Variants in CEACAM8 observed in about 807,000 individuals in gnomAD.
CEACAM8 encodes cell adhesion molecule CEACAM8.
CEACAM8 carries 31 observed loss-of-function variants against 33.4 expected under a neutral mutation model. The ratio of observed to expected loss-of-function variants is 0.93; its 90% CI spans 0.70 to 1.25. CEACAM8 has a LOEUF of 1.25. CEACAM8 is among the 50% of genes most tolerant of loss of function. CEACAM8 has a pLI of 0.00. For missense variants in CEACAM8, 388 were observed against 434.6 expected, an observed-to-expected ratio of 0.89 and a Z score of 0.95; for synonymous variants, 138 against 164.5, an observed-to-expected ratio of 0.84 and a Z score of 1.23.
intron 4 of CEACAM8, among the ~76,000 whole-genome samples, chr19:42,584,771 C>G (rs908746096): frequency 6.6e-6 from 1 of 152,172 alleles, no homozygotes; most frequent in Non-Finnish European, 1.5e-5. Context: ...AATCAACAAC[C>G]TAATTTGCAA....
At chr19:42,582,098 C>A (rs1265982090) in intron 5 of CEACAM8, among the ~76,000 whole-genome samples, 1 of 150,982 alleles carries the variant, frequency 6.6e-6, no homozygotes, top group Non-Finnish European at 1.5e-5. Flanking sequence ...GCTAAAGAAC[C>A]ATTGTTTTAG....
Position 42,591,627 on chromosome 19 carries a change from C to T in CEACAM8, c.425-1892G>A, listed in dbSNP as rs45438699. Among the ~76,000 whole-genome samples, 645 of 152,226 alleles carry T rather than the reference C, an allele frequency of 4.2e-3. 2 individuals are homozygous for T. The highest frequency in any genetic ancestry group is 6.7e-3 in the Non-Finnish European group (453 of 68,002). On this transcript the variant is annotated intron_variant, in intron 2 of 5. Transcript: ENST00000244336. ...CAAGTAGAATTGGATTAGGTTTTTGCGAATTGGACAGAGTCTAAGTGAGAC... is the reference window on the plus strand; with the variant it reads ...CAAGTAGAATTGGATTAGGTTTTTGTGAATTGGACAGAGTCTAAGTGAGAC...
At chr19:42,593,462 C>T in intron 2 of CEACAM8, 79 bp downstream of exon 2, 1 of 1,508,620 alleles carries the variant, frequency 6.6e-7, no homozygotes, top group South Asian at 1.3e-5. Context: ...GGGACATGGG[C>T]ACAGCCCAGG....
chr19:42,589,428 T>C (rs768903837), intron 3 of CEACAM8, 29 bp downstream of exon 3: 1 of 1,613,596 alleles, frequency 6.2e-7, no homozygotes, highest in South Asian at 1.1e-5. Context: ...GCTGGTGGCC[T>C]GGGCCACAGA....
chr19:42,584,225 C>T (rs1052251480), intron 4 of CEACAM8, among the ~76,000 whole-genome samples: 3 of 152,050 alleles, frequency 2.0e-5, no homozygotes, highest in Non-Finnish European at 4.4e-5. Flanking sequence ...CACACACACA[C>T]ACAACCTTTT....
At chr19:42,591,460 T>C (rs1046618911) in intron 2 of CEACAM8, among the ~76,000 whole-genome samples, 3 of 152,148 alleles carry the variant, frequency 2.0e-5, no homozygotes, top group Non-Finnish European at 4.4e-5. Context: ...CAATGCCAAA[T>C]TAGGAGAAGC....
At position 42,593,768 on chromosome 19, in the gene CEACAM8, T is replaced by C; in HGVS notation, c.197A>G (p.Asn66Ser). ...HNLPQDPRGY[N>S]WYKGETVDAN... ...ATCCACTGTTTCCCCTTTGTACCAG[T>C]TGTAGCCACGAGGGTCCTGGGGCAG... is the stretch of plus-strand genomic sequence containing the variant. The change falls in exon 2 of 6, where the codon AAC becomes AGC. Residue 66 changes from asparagine (N) to serine (S), a missense_variant. Coordinates refer to ENST00000244336, the MANE Select transcript of CEACAM8 (RefSeq NM_001816.4). 1.2e-6 allele frequency: 2 copies of C among 1,614,042 alleles called. No homozygotes were observed. The highest frequency in any genetic ancestry group is 1.7e-6 in the Non-Finnish European group (2 of 1,180,000).
In CEACAM8 at chr19:42,594,829, G is replaced by T; in HGVS notation, c.-1C>A. ...AGGAAGGGGCTGAGATGGGCCCCAT[G>T]GTCTCTGCTGCCTGCGTGTTCTCCT... is the stretch of plus-strand genomic sequence containing the variant. On this transcript the variant is annotated 5_prime_UTR_variant, in exon 1 of 6. Coordinates refer to ENST00000244336, the MANE Select transcript of CEACAM8 (RefSeq NM_001816.4). The T allele has an allele frequency of 1.2e-6, 2 of 1,609,534 alleles. No homozygotes were observed. Among genetic ancestry groups the T allele is most frequent in the Non-Finnish European group, 1.7e-6 (2 of 1,177,196 alleles).
At chr19:42,582,707 T>C (rs2042277791) in intron 5 of CEACAM8, among the ~76,000 whole-genome samples, 1 of 152,184 alleles carries the variant, frequency 6.6e-6, no homozygotes, top group South Asian at 2.1e-4. Flanking sequence ...GGAGGAATTA[T>C]ACTAGGGAGT....
chr19:42,581,506 T>C (rs2147851982), intron 5 of CEACAM8, among the ~76,000 whole-genome samples, 153 bp from the exon 6 acceptor site: 1 of 152,328 alleles, frequency 6.6e-6, no homozygotes, highest in Middle Eastern at 3.4e-3. Flanking sequence ...TCATAATTTT[T>C]GGAACACTCA....
At chr19:42,594,732 C>T (rs750275861) in intron 1 of CEACAM8, 33 bp downstream of exon 1, 2 of 1,568,678 alleles carry the variant, frequency 1.3e-6, no homozygotes, top group South Asian at 1.1e-5. Context: ...GTGTTTCCTC[C>T]TCCTGTCCTT....
At chr19:42,585,062 A>G (rs751709024) in intron 4 of CEACAM8, among the ~76,000 whole-genome samples, 41 of 152,172 alleles carry the variant, frequency 2.7e-4, no homozygotes, top group Non-Finnish European at 4.9e-4. Context: ...TGGGAAGGCA[A>G]ATTGGGAGGA....
At chr19:42,589,766 G>A (rs1413810430) in intron 2 of CEACAM8, 31 bp from the exon 3 acceptor site, 7 of 1,613,572 alleles carry the variant, frequency 4.3e-6, no homozygotes, top group Non-Finnish European at 5.9e-6. Context: ...AGATTGCCCT[G>A]TGTGGCACCT....
rs1275475892 is a variant in CEACAM8, at chr19:42,588,950, A to G, written c.792T>C (p.Asn264=). 6.2e-7 allele frequency: 1 copy of G among 1,614,084 alleles called. No individual in the cohort carries two copies. Among genetic ancestry groups the G allele is most frequent in the East Asian group, 2.2e-5 (1 of 44,886 alleles). ...CAGACCAAGAATACTGTGAGGGTGGATTAGAGGCCGCATGGCAGGAGAGGT... is the reference window on the plus strand; with the variant it reads ...CAGACCAAGAATACTGTGAGGGTGGGTTAGAGGCCGCATGGCAGGAGAGGT... ...NLNLSCHAAS[N]PPSQYSWSVN... The change falls in exon 4 of 6, where the codon AAT becomes AAC. Residue 264 remains asparagine (N), a synonymous_variant. Coordinates refer to ENST00000244336, the MANE Select transcript of CEACAM8 (RefSeq NM_001816.4).
At chr19:42,594,243 G>A (rs2042504276) in intron 1 of CEACAM8, among the ~76,000 whole-genome samples, 1 of 152,144 alleles carries the variant, frequency 6.6e-6, no homozygotes, top group South Asian at 2.1e-4. Flanking sequence ...CAGGGCTCCT[G>A]TCAGCGCCTG....
rs1030291282 is a variant in CEACAM8 at position 42,580,568 on chromosome 19, T to A, written c.*826A>T. The A allele has an allele frequency of 6.6e-6, 1 of 152,234 alleles. No individual in the cohort carries two copies. The highest frequency in any genetic ancestry group is 1.5e-5 in the Non-Finnish European group (1 of 68,034). 9.4% of individuals were successfully genotyped at this position (152,234 alleles called of 1,614,324 possible). A position where few individuals can be genotyped will look rare whatever the true frequency, so the allele number is the denominator to read the frequency against. On this transcript the variant is annotated 3_prime_UTR_variant, in exon 6 of 6. Transcript: ENST00000244336. ...TATATCCCATTATAAAGACAGCAGA[T>A]TCTCACTGAACTTGTGCAAATAACT...
intron 2 of CEACAM8, among the ~76,000 whole-genome samples, chr19:42,593,183 G>T (rs73932734): frequency 0.04 from 6,089 of 152,284 alleles, 407 homozygotes; most frequent in African/African-American, 0.14. Flanking sequence ...TCTCTGTGAG[G>T]ATCCCAGGAT....
chr19:42,592,950 G>T (rs939561744), intron 2 of CEACAM8, among the ~76,000 whole-genome samples: 20 of 152,228 alleles, frequency 1.3e-4, no homozygotes. Flanking sequence ...TGAGTCTCAG[G>T]TGAAGGACAA....
At chr19:42,586,555 T>C (rs1323119648) in intron 4 of CEACAM8, among the ~76,000 whole-genome samples, 1 of 152,144 alleles carries the variant, frequency 6.6e-6, no homozygotes, top group Non-Finnish European at 1.5e-5. Flanking sequence ...AGCTGAACCT[T>C]TACCTGACAC....
Sources: gnomAD v4.1 joint callset for allele counts (sites outside exome capture counted in the v4.1 genomes callset) on GRCh38, gnomAD v4.1.1 for gene constraint, MANE v1.5 for transcripts, NCBI Gene and HGNC (gene_info 2026-07-23, HGNC 2026-07-21) for gene names.